The following RYR2 variants were observed in gnomAD, a reference collection of about 807,000 sequenced individuals.
RYR2 encodes cardiac muscle ryanodine receptor-calcium release channel.
RYR2 carries 227 observed loss-of-function variants against 601.1 expected under a neutral mutation model. The ratio of observed to expected loss-of-function variants is 0.38; its 90% CI spans 0.34 to 0.42. RYR2 has a LOEUF of 0.42. RYR2 is among the 10% of genes least tolerant of loss of function. RYR2 has a pLI of 1.00. For missense variants in RYR2, 4,646 were observed against 6,156.5 expected, an observed-to-expected ratio of 0.75 and a Z score of 8.21; for synonymous variants, 2,223 against 2,175.1, an observed-to-expected ratio of 1.02 and a Z score of -0.61.
chr1:237,760,281 C>A lies in RYR2; in HGVS notation c.11402+429C>A, dbSNP rs1275918685. ...GCTGAGGTGGGAAGATTTCTTGAGCCCAGAAGTTCAAGGCTGTAGTGAGCT... is the reference window on the plus strand; with the variant it reads ...GCTGAGGTGGGAAGATTTCTTGAGCACAGAAGTTCAAGGCTGTAGTGAGCT... On this transcript the variant is annotated intron_variant, in intron 83 of 104. Coordinates refer to ENST00000366574, the MANE Select transcript of RYR2 (RefSeq NM_001035.3). Among the ~76,000 whole-genome samples, 3 of 147,730 alleles carry A rather than the reference C, an allele frequency of 2.0e-5. No individual in the cohort carries two copies. The East Asian group carries it at 6.1e-4, about 30-fold the overall frequency.
At chr1:237,307,505 T>A (rs1693994710) in intron 2 of RYR2, among the ~76,000 whole-genome samples, 1 of 152,262 alleles carries the variant, frequency 6.6e-6, no homozygotes, top group Non-Finnish European at 1.5e-5. Context: ...ATTCTGTAAT[T>A]CCTTTTGTAA....
At chr1:237,616,337 AC>A (rs1213708241) in intron 37 of RYR2, among the ~76,000 whole-genome samples, 1 of 152,194 alleles carries the variant, frequency 6.6e-6, no homozygotes. Flanking sequence ...CAACATACTC[AC>A]TCAGTTATAA....
intron 80 of RYR2, among the ~76,000 whole-genome samples, chr1:237,745,015 A>G (rs1443762454): frequency 4.6e-5 from 7 of 151,842 alleles, no homozygotes; most frequent in Admixed American, 3.9e-4. Context: ...GTTGGCCACA[A>G]TGGTCTTTAT....
chr1:237,589,108 G>A (rs1003957006), intron 29 of RYR2, among the ~76,000 whole-genome samples: 11 of 152,092 alleles, frequency 7.2e-5, no homozygotes, highest in Admixed American at 7.2e-4. Flanking sequence ...ATAAACATAA[G>A]ATTATATATA....
chr1:237,112,203 T>G (rs1669556742), intron 1 of RYR2, among the ~76,000 whole-genome samples: 1 of 152,168 alleles, frequency 6.6e-6, no homozygotes, highest in Admixed American at 6.5e-5. Flanking sequence ...GACCTCCGCT[T>G]CCCGGGTTCA....
At chr1:237,652,896 C>T (rs1429715753) in intron 51 of RYR2, among the ~76,000 whole-genome samples, 1 of 151,796 alleles carries the variant, frequency 6.6e-6, no homozygotes, top group African/African-American at 2.4e-5. Context: ...TTTTTTTTAA[C>T]TGAAAGGGAA....
chr1:237,124,785 C>T lies in RYR2; in HGVS notation c.48+82216C>T, dbSNP rs149447437. On this transcript the variant is annotated intron_variant, in intron 1 of 104. Coordinates refer to ENST00000366574, the MANE Select transcript of RYR2 (RefSeq NM_001035.3). ...GTGGGCCCTTTTTTTTGGTGGGGGG[C>T]GCGGGGGGCATTGCTGTGCCTGACC... Among the ~76,000 whole-genome samples, 329 of 151,944 alleles carry T rather than the reference C, an allele frequency of 2.2e-3. 1 individual carries two copies. The highest frequency in any genetic ancestry group is 6.9e-3 in the African/African-American group (288 of 41,474).
Position 237,094,589 on chromosome 1 carries a change from T to TTA in RYR2, c.48+52021_48+52022insAT, listed in dbSNP as rs1558222425. Among the ~76,000 whole-genome samples the TTA allele has an allele frequency of 4.6e-5, 7 of 151,976 alleles. No individual in the cohort carries two copies. The East Asian group carries it at 5.8e-4, about 13-fold the overall frequency. On this transcript the variant is annotated intron_variant, in intron 1 of 104. Transcript: ENST00000366574. ...CTTTATAAATATTATTATTATTATT[T>TTA]TTTGAGACGGAGTCTCGCTCTGTCG...
intron 98 of RYR2, among the ~76,000 whole-genome samples, chr1:237,804,458 A>G (rs1478883206): frequency 1.3e-5 from 2 of 151,980 alleles, no homozygotes; most frequent in Non-Finnish European, 2.9e-5. Flanking sequence ...AGTCAAAATG[A>G]AGGTGTCCGC....
At chr1:237,499,007 G>A (rs962490067) in intron 20 of RYR2, among the ~76,000 whole-genome samples, 4 of 151,904 alleles carry the variant, frequency 2.6e-5, no homozygotes, top group African/African-American at 9.7e-5. Flanking sequence ...AAATTAGTTG[G>A]AATGTGAGTT....
chr1:237,799,200 G>T (rs1659651880), intron 97 of RYR2, among the ~76,000 whole-genome samples: 2 of 152,148 alleles, frequency 1.3e-5, no homozygotes, highest in Admixed American at 1.3e-4. Flanking sequence ...GAAAACAAAT[G>T]TATATTTAAA....
intron 24 of RYR2, among the ~76,000 whole-genome samples, chr1:237,515,852 TC>T (rs1666451819): frequency 7.9e-6 from 1 of 126,298 alleles, no homozygotes; most frequent in Non-Finnish European, 1.7e-5. Context: ...TCCTCCCTCT[TC>T]TTCTCTTCTC....
rs1397035788 is a variant in RYR2, at chr1:237,614,549, G to T, written c.5421G>T (p.Arg1807=). The T allele has an allele frequency of 1.2e-6, 2 of 1,614,034 alleles. No individual in the cohort carries two copies. Among genetic ancestry groups the T allele is most frequent in the Non-Finnish European group, 1.7e-6 (2 of 1,179,896 alleles). Reference sequence around the variant, plus strand: ...TTAAAGAGGGCAGTCTTCATGCCCGGGACCCAGTTGGAGGGACTACTGAAT... The same window carrying T: ...TTAAAGAGGGCAGTCTTCATGCCCGTGACCCAGTTGGAGGGACTACTGAAT... ...EAVKEGSLHA[R]DPVGGTTEFL... The change falls in exon 37 of 105, where the codon CGG becomes CGT. Residue 1807 remains arginine (R), a synonymous_variant. Coordinates refer to ENST00000366574, the MANE Select transcript of RYR2 (RefSeq NM_001035.3). The surrounding 1 kb of genome is among the most constrained non-coding windows in gnomAD (Gnocchi z 4.3).
At chr1:237,702,112 A>T in intron 66 of RYR2, 53 bp downstream of exon 66, 1 of 988,714 alleles carries the variant, frequency 1.0e-6, no homozygotes, top group Non-Finnish European at 1.6e-6. Flanking sequence ...AAGTTTTATA[A>T]CTATTTATTT....
chr1:237,592,918 G>A (rs1253875182), intron 32 of RYR2, among the ~76,000 whole-genome samples: 1 of 151,666 alleles, frequency 6.6e-6, no homozygotes, highest in Non-Finnish European at 1.5e-5. Context: ...CTACTCGGGA[G>A]GCTGAGGCAG....
At chr1:237,617,244 G>T in intron 37 of RYR2, 42 bp from the exon 38 acceptor site, 1 of 1,511,602 alleles carries the variant, frequency 6.6e-7, no homozygotes, top group Non-Finnish European at 9.0e-7. Context: ...ATTATTAAAG[G>T]ATTTAGAAAT....
At chr1:237,468,122 C>T (rs1321845746) in intron 16 of RYR2, among the ~76,000 whole-genome samples, 2 of 151,858 alleles carry the variant, frequency 1.3e-5, no homozygotes, top group African/African-American at 2.4e-5. Context: ...CCTCCCAAAG[C>T]GCTGGGATTA....
intron 100 of RYR2, among the ~76,000 whole-genome samples, chr1:237,810,780 T>G (rs1661168786): frequency 6.6e-6 from 1 of 152,078 alleles, no homozygotes; most frequent in African/African-American, 2.4e-5. Context: ...GAGAAATTCA[T>G]GTATACAGAT....
chr1:237,273,443 G>GA (rs1183750923), intron 2 of RYR2, among the ~76,000 whole-genome samples: 8 of 152,284 alleles, frequency 5.3e-5, no homozygotes, highest in Middle Eastern at 6.8e-3. Context: ...AGGGGTTGGG[G>GA]ACCCCTGCCC....
Sources: allele counts gnomAD v4.1 joint callset (sites outside exome capture counted in the v4.1 genomes callset), GRCh38; gene constraint gnomAD v4.1.1; non-coding constraint Gnocchi (gnomAD v3.1); transcripts MANE v1.5; gene names NCBI Gene and HGNC (gene_info 2026-07-23, HGNC 2026-07-21).